Variants in PMFBP1 observed in about 807,000 individuals in gnomAD.
The protein encoded by PMFBP1 is polyamine-modulated factor 1-binding protein 1.
PMFBP1 carries 131 observed loss-of-function variants against 137.8 expected under a neutral mutation model. The observed-to-expected ratio is 0.95, with a 90% CI of 0.82 to 1.10. The LOEUF is 1.10. PMFBP1 is among the 50% of genes least tolerant of loss of function. The pLI is 0.00. For missense variants in PMFBP1, 1,199 were observed against 1,175.4 expected (o/e 1.02, Z -0.29); for synonymous variants, 490 against 450.4 (o/e 1.09, Z -1.11).
chr16:72,200,573 C>T, the PMFBP1 span, among the ~76,000 whole-genome samples: 24,245 of 152,110 alleles, frequency 0.16, 2,182 homozygotes, highest in South Asian at 0.38. Flanking sequence ...GGTGAGAGAA[C>T]GTCAGGAAAA....
the PMFBP1 span, among the ~76,000 whole-genome samples, chr16:72,217,860 G>T: frequency 6.8e-6 from 1 of 146,306 alleles, no homozygotes; most frequent in East Asian, 1.9e-4. Flanking sequence ...AAAACAAAAC[G>T]TCCTAGAAAA....
At chr16:72,129,275 T>C in intron 12 of PMFBP1, 42 bp from the exon 13 acceptor site, 1 of 1,579,528 alleles carries the variant, frequency 6.3e-7, no homozygotes, top group Non-Finnish European at 8.5e-7. Context: ...TCTTAGACTA[T>C]ATTATATTTG....
chr16:72,156,140 C>T (rs530699366), intron 3 of PMFBP1, among the ~76,000 whole-genome samples: 3 of 152,206 alleles, frequency 2.0e-5, no homozygotes, highest in East Asian at 1.9e-4. Context: ...GTGTGTGCCA[C>T]CACACCCAGC....
chr16:72,210,496 A>C, the PMFBP1 span, among the ~76,000 whole-genome samples: 2 of 152,212 alleles, frequency 1.3e-5, no homozygotes, highest in East Asian at 3.9e-4. Flanking sequence ...AGAATTCCCC[A>C]GAACCCAAAC....
At chr16:72,245,826 G>T in the PMFBP1 span, among the ~76,000 whole-genome samples, 1 of 152,044 alleles carries the variant, frequency 6.6e-6, no homozygotes, top group South Asian at 2.1e-4. Context: ...CCATTTCCTT[G>T]AACTTCACTT....
the PMFBP1 span, among the ~76,000 whole-genome samples, chr16:72,222,380 T>C: frequency 6.6e-6 from 1 of 152,210 alleles, no homozygotes; most frequent in Non-Finnish European, 1.5e-5. Flanking sequence ...AAAGGCTTTT[T>C]GTTCTTCCCT....
the PMFBP1 span, among the ~76,000 whole-genome samples, chr16:72,205,697 A>C: frequency 6.6e-6 from 1 of 152,226 alleles, no homozygotes; most frequent in South Asian, 2.1e-4. Context: ...TTCCTAGAGC[A>C]CACATGCAGG....
At chr16:72,214,305 C>T in the PMFBP1 span, among the ~76,000 whole-genome samples, 2 of 152,128 alleles carry the variant, frequency 1.3e-5, no homozygotes, top group Non-Finnish European at 2.9e-5. Flanking sequence ...CACCATTCTC[C>T]TGCCTCAGCC....
chr16:72,142,747 T>C (rs770480823), intron 5 of PMFBP1, among the ~76,000 whole-genome samples: 1 of 152,184 alleles, frequency 6.6e-6, no homozygotes. Flanking sequence ...CTGCCGAGCA[T>C]AGTAATGAGA....
the PMFBP1 span, among the ~76,000 whole-genome samples, chr16:72,239,234 A>T: frequency 1.1e-4 from 16 of 152,070 alleles, no homozygotes; most frequent in Non-Finnish European, 1.9e-4. Flanking sequence ...ATATTCTTCA[A>T]TTTTTTCTTC....
chr16:72,141,933 C>T (rs191016292), intron 5 of PMFBP1, among the ~76,000 whole-genome samples: 15 of 150,826 alleles, frequency 9.9e-5, no homozygotes, highest in African/African-American at 2.2e-4. Flanking sequence ...TTCCCTAGAT[C>T]GTTTGAAATC....
chr16:72,192,860 C>A, the PMFBP1 span, among the ~76,000 whole-genome samples: 2 of 150,866 alleles, frequency 1.3e-5, no homozygotes, highest in African/African-American at 4.9e-5. Context: ...CGAGATCCTG[C>A]CACTGCACTC....
At chr16:72,125,554 G>T in intron 15 of PMFBP1, 149 bp from the exon 16 acceptor site, 1 of 901,618 alleles carries the variant, frequency 1.1e-6, no homozygotes, top group Non-Finnish European at 1.7e-6. Context: ...GAGAGGGGTG[G>T]GAAATGACAG....
At chr16:72,123,042 A>C in intron 18 of PMFBP1, 54 bp from the exon 19 acceptor site, 1 of 1,520,956 alleles carries the variant, frequency 6.6e-7, no homozygotes, top group Non-Finnish European at 9.0e-7. Context: ...TCCCGCGAGC[A>C]AGGGTGCAGC....
chr16:72,246,863 G>A, the PMFBP1 span, among the ~76,000 whole-genome samples: 1 of 152,082 alleles, frequency 6.6e-6, no homozygotes, highest in African/African-American at 2.4e-5. Context: ...GAGGGAGAGA[G>A]GGAAGGAATA....
intron 4 of PMFBP1, among the ~76,000 whole-genome samples, chr16:72,151,424 C>G (rs1006287039): frequency 9.2e-5 from 14 of 152,174 alleles, no homozygotes; most frequent in African/African-American, 3.1e-4. Flanking sequence ...ACATATTAGA[C>G]ATATGCTCAC....
At chr16:72,230,061 T>C in the PMFBP1 span, among the ~76,000 whole-genome samples, 18 of 152,222 alleles carry the variant, frequency 1.2e-4, no homozygotes, top group Non-Finnish European at 2.5e-4. Flanking sequence ...GGTTTACCAA[T>C]ACCTCTTAGG....
the PMFBP1 span, among the ~76,000 whole-genome samples, chr16:72,249,670 A>C: frequency 6.6e-6 from 1 of 151,660 alleles, no homozygotes; most frequent in Non-Finnish European, 1.5e-5. Context: ...TAATCCCAAC[A>C]CGTTGAGAGG....
chr16:72,249,204 A>G, the PMFBP1 span, among the ~76,000 whole-genome samples: 1 of 152,082 alleles, frequency 6.6e-6, no homozygotes, highest in African/African-American at 2.4e-5. Context: ...CCTCCATTTC[A>G]GTGTCTTCCA....
Sources: gnomAD v4.1 joint callset for allele counts (sites outside exome capture counted in the v4.1 genomes callset) on GRCh38, gnomAD v4.1.1 for gene constraint, MANE v1.5 for transcripts, NCBI Gene and HGNC (gene_info 2026-07-23, HGNC 2026-07-21) for gene names.